LARGE1: variants seen among roughly 807,000 people sequenced by gnomAD.
The protein encoded by LARGE1 is LARGE xylosyl- and glucuronyltransferase 1, also known as xylosyl- and glucuronyltransferase LARGE1.
In LARGE1, 43 loss-of-function variants were observed where a neutral mutation model predicts 87.6. The observed-to-expected ratio is 0.49, with a 90% CI of 0.38 to 0.63. The LOEUF (loss-of-function observed/expected upper bound fraction) is 0.63, where lower values mean the gene tolerates loss of function less well. Ranked by LOEUF, LARGE1 falls within the 30% of genes least tolerant of loss-of-function variation. The pLI is 0.00. For synonymous variants in LARGE1, 434 were observed against 394.6 expected, an observed-to-expected ratio of 1.10 and a Z score of -1.18; for missense variants, 802 against 1,000.2, an observed-to-expected ratio of 0.80 and a Z score of 2.67.
rs149501233 is a variant in LARGE1, at chr22:33,411,902, A to T, written c.892+20259T>A. Among the ~76,000 whole-genome samples, 403 of 152,388 alleles carry T rather than the reference A, an allele frequency of 2.6e-3. 1 individual carries two copies. The highest frequency in any genetic ancestry group is 8.6e-3 in the African/African-American group (358 of 41,586). On this transcript the variant is annotated intron_variant, in intron 7 of 14. Coordinates refer to ENST00000397394, the MANE Select transcript of LARGE1 (RefSeq NM_133642.5). ...GTCTATTCAAAAAGAATATGCATATATACAGAGAAATAGATAATTACATAT... is the reference window on the plus strand; with the variant it reads ...GTCTATTCAAAAAGAATATGCATATTTACAGAGAAATAGATAATTACATAT...
chr22:33,604,019 C>A (rs2079181543), intron 5 of LARGE1, among the ~76,000 whole-genome samples: 1 of 152,154 alleles, frequency 6.6e-6, no homozygotes, highest in Non-Finnish European at 1.5e-5. Context: ...GAAAACAGGT[C>A]CAGCAGAGAT....
intron 7 of LARGE1, among the ~76,000 whole-genome samples, chr22:33,426,387 AC>A (rs1291509121): frequency 9.9e-5 from 15 of 152,220 alleles, no homozygotes; most frequent in African/African-American, 3.6e-4. Flanking sequence ...ATTATTACAG[AC>A]AGAAATCACC....
At chr22:33,769,918 C>G (rs1275972143) in intron 1 of LARGE1, among the ~76,000 whole-genome samples, 2 of 152,204 alleles carry the variant, frequency 1.3e-5, no homozygotes, top group Non-Finnish European at 2.9e-5. Flanking sequence ...TTGGCAACTA[C>G]TGGTCACAGC....
At chr22:33,849,265 T>C (rs1340894110) in intron 1 of LARGE1, among the ~76,000 whole-genome samples, 2 of 152,200 alleles carry the variant, frequency 1.3e-5, no homozygotes, top group Non-Finnish European at 2.9e-5. Flanking sequence ...CAGGCCCACT[T>C]CGCAGAACAT....
chr22:33,530,693 T>C (rs1472189218), intron 6 of LARGE1, among the ~76,000 whole-genome samples: 1 of 152,106 alleles, frequency 6.6e-6, no homozygotes, highest in Non-Finnish European at 1.5e-5. Context: ...GCTTCACAAG[T>C]ACAAGGCCTA....
At chr22:33,728,982 C>G (rs991978465) in intron 2 of LARGE1, among the ~76,000 whole-genome samples, 1 of 151,942 alleles carries the variant, frequency 6.6e-6, no homozygotes, top group East Asian at 1.9e-4. Flanking sequence ...ACTGTCACCC[C>G]CCTCCCCACA....
intron 4 of LARGE1, among the ~76,000 whole-genome samples, chr22:33,616,659 G>A (rs1475324935): frequency 1.3e-5 from 2 of 152,146 alleles, no homozygotes; most frequent in African/African-American, 4.8e-5. Flanking sequence ...ACTGATACAT[G>A]CTACATCAGG....
intron 1 of LARGE1, among the ~76,000 whole-genome samples, chr22:33,858,913 C>A (rs2063833931): frequency 6.6e-6 from 1 of 151,912 alleles, no homozygotes. Flanking sequence ...AAGCTGGAAA[C>A]CATCATTCTC....
rs1471421612 is a variant in LARGE1 at position 33,329,113 on chromosome 22, GGCTTTGGTTCCCT to G, written c.1287+8520_1287+8532del. ...ATACCTATCGTAGGGATACCCAGCAGGCTTTGGTTCCCTGCTATCACTAGGAGGCTAGGAGACC... is the reference window on the plus strand; with the variant it reads ...ATACCTATCGTAGGGATACCCAGCAGGCTATCACTAGGAGGCTAGGAGACC... On this transcript the variant is annotated intron_variant, in intron 10 of 14. Transcript: ENST00000397394. 2.6e-5 allele frequency among the ~76,000 whole-genome samples: 4 copies of G among 152,302 alleles called. No homozygotes were observed. The East Asian group carries it at 7.7e-4, about 29-fold the overall frequency.
At chr22:33,858,456 T>C (rs2063820457) in intron 1 of LARGE1, among the ~76,000 whole-genome samples, 1 of 152,272 alleles carries the variant, frequency 6.6e-6, no homozygotes, top group African/African-American at 2.4e-5. Flanking sequence ...CCTGGGTTTA[T>C]ATCCTGATCA....
At chr22:33,348,986 C>T (rs192168287) in intron 9 of LARGE1, among the ~76,000 whole-genome samples, 5 of 152,088 alleles carry the variant, frequency 3.3e-5, no homozygotes, top group African/African-American at 4.8e-5. Flanking sequence ...TCTTGCCTGC[C>T]GCCATGTAAG....
At chr22:33,389,484 C>T (rs1205203268) in intron 7 of LARGE1, among the ~76,000 whole-genome samples, 3 of 152,196 alleles carry the variant, frequency 2.0e-5, no homozygotes, top group Non-Finnish European at 2.9e-5. Context: ...GGAAGTCCTA[C>T]TGAGGACAAC....
chr22:33,078,223 A>G, the LARGE1 span, among the ~76,000 whole-genome samples: 1 of 152,224 alleles, frequency 6.6e-6, no homozygotes, highest in African/African-American at 2.4e-5. Context: ...CTGCAGCTTT[A>G]CAGATAATTT....
chr22:33,631,341 T>C (rs2062646772), intron 3 of LARGE1, among the ~76,000 whole-genome samples: 1 of 152,200 alleles, frequency 6.6e-6, no homozygotes, highest in South Asian at 2.1e-4. Context: ...CTCTTAACTT[T>C]TTGACTGTTT....
intron 1 of LARGE1, among the ~76,000 whole-genome samples, chr22:33,866,683 C>A (rs779946146): frequency 2.0e-5 from 3 of 152,214 alleles, no homozygotes; most frequent in Non-Finnish European, 4.4e-5. Context: ...GGTAAACACA[C>A]ACCAGATGGA....
In LARGE1 at chr22:33,468,823, A is replaced by C. The variant is rs918192962; in HGVS notation, c.788-36558T>G. ...TTCATCACACAAAGCTGCCTCCCCA[A>C]AAGTCTCATGGAATCTCCCCCCTAT... On this transcript the variant is annotated intron_variant, in intron 6 of 14. Coordinates refer to ENST00000397394, the MANE Select transcript of LARGE1 (RefSeq NM_133642.5). 5.9e-5 allele frequency among the ~76,000 whole-genome samples: 9 copies of C among 152,054 alleles called. No individual in the cohort carries two copies. In the East Asian group the frequency reaches 1.7e-3, roughly 29 times the overall value.
chr22:33,666,015 A>C (rs2081258457), intron 2 of LARGE1, among the ~76,000 whole-genome samples: 3 of 152,112 alleles, frequency 2.0e-5, no homozygotes, highest in Admixed American at 1.3e-4. Context: ...TCCAAAAAAA[A>C]CCTCGATTTT....
intron 6 of LARGE1, among the ~76,000 whole-genome samples, chr22:33,542,740 G>A (rs1037823630): frequency 6.6e-6 from 1 of 151,716 alleles, no homozygotes; most frequent in African/African-American, 2.4e-5. Context: ...AGACCTGAAA[G>A]AGACACTGGG....
At chr22:33,652,665 C>A (rs1231554317) in intron 2 of LARGE1, among the ~76,000 whole-genome samples, 3 of 152,186 alleles carry the variant, frequency 2.0e-5, no homozygotes, top group African/African-American at 7.2e-5. Flanking sequence ...CCTGCCCAGA[C>A]CCCTGAGCTT....
Sources: allele counts gnomAD v4.1 joint callset (sites outside exome capture counted in the v4.1 genomes callset), GRCh38; gene constraint gnomAD v4.1.1; transcripts MANE v1.5; gene names NCBI Gene and HGNC (gene_info 2026-07-23, HGNC 2026-07-21).